The following PDE4B variants were observed in gnomAD, a reference collection of about 807,000 sequenced individuals.
PDE4B encodes phosphodiesterase 4B.
In PDE4B, 20 loss-of-function variants were observed where a neutral mutation model predicts 82.2. The ratio of observed to expected loss-of-function variants is 0.24; its 90% CI spans 0.17 to 0.35. PDE4B has a LOEUF of 0.35. Among genes scored for constraint, PDE4B ranks in the 10% least tolerant of loss-of-function variants. PDE4B has a pLI of 1.00. For missense variants in PDE4B, 655 were observed against 907.2 expected, an observed-to-expected ratio of 0.72 and a Z score of 3.57; for synonymous variants, 320 against 318.9, an observed-to-expected ratio of 1.00 and a Z score of -0.04.
At chr1:65,930,839 G>A (rs1465665105) in intron 3 of PDE4B, among the ~76,000 whole-genome samples, 1 of 152,206 alleles carries the variant, frequency 6.6e-6, no homozygotes, top group East Asian at 1.9e-4. Flanking sequence ...AATGAATTAA[G>A]ACTTTGGGAA....
At chr1:66,283,885 G>A (rs564278644) in intron 7 of PDE4B, among the ~76,000 whole-genome samples, 4 of 152,204 alleles carry the variant, frequency 2.6e-5, no homozygotes, top group East Asian at 1.9e-4. Context: ...GAGAGAGAGC[G>A]AGAGAAAGAG....
chr1:66,027,754 C>A (rs904178130), intron 3 of PDE4B, among the ~76,000 whole-genome samples: 1 of 152,140 alleles, frequency 6.6e-6, no homozygotes, highest in Non-Finnish European at 1.5e-5. Flanking sequence ...CAAAATCCAA[C>A]GGGGCAGTCA....
At chr1:65,911,589 C>T (rs1342092803) in intron 1 of PDE4B, among the ~76,000 whole-genome samples, 1 of 151,740 alleles carries the variant, frequency 6.6e-6, no homozygotes, top group Non-Finnish European at 1.5e-5. Flanking sequence ...TAAAATATCT[C>T]TTGTTGCTTG....
chr1:65,836,811 G>A (rs1646145212), intron 1 of PDE4B, among the ~76,000 whole-genome samples: 1 of 152,158 alleles, frequency 6.6e-6, no homozygotes, highest in Admixed American at 6.6e-5. Flanking sequence ...ATGGTAGAGA[G>A]GAAGGGTGTT....
chr1:65,920,578 G>A (rs1292833335), intron 3 of PDE4B, among the ~76,000 whole-genome samples: 1 of 152,066 alleles, frequency 6.6e-6, no homozygotes, highest in African/African-American at 2.4e-5. Context: ...TTTAAAGGAG[G>A]GCAATAATAT....
At chr1:65,795,333 T>A (rs748252098) in intron 1 of PDE4B, among the ~76,000 whole-genome samples, 1 of 152,258 alleles carries the variant, frequency 6.6e-6, no homozygotes, top group African/African-American at 2.4e-5. Context: ...TAATTTATTA[T>A]CATGTCATAC....
chr1:65,933,524 C>G (rs566411988), intron 3 of PDE4B, among the ~76,000 whole-genome samples: 41 of 152,230 alleles, frequency 2.7e-4, no homozygotes, highest in Non-Finnish European at 5.3e-4. Flanking sequence ...GAAACCCCAT[C>G]TCTACTAAAG....
At chr1:66,045,733 A>G (rs1654671802) in intron 3 of PDE4B, among the ~76,000 whole-genome samples, 2 of 151,820 alleles carry the variant, frequency 1.3e-5, no homozygotes, top group South Asian at 2.1e-4. Flanking sequence ...ACGAGATTCA[A>G]TCAAAGAAAA....
At chr1:66,145,695 G>T (rs188688056) in intron 3 of PDE4B, among the ~76,000 whole-genome samples, 14 of 152,274 alleles carry the variant, frequency 9.2e-5, no homozygotes, top group Non-Finnish European at 4.4e-5. Flanking sequence ...GATGGGAAGT[G>T]ATTTCCGCAA....
At chr1:66,034,967 A>G (rs1346660166) in intron 3 of PDE4B, among the ~76,000 whole-genome samples, 1 of 152,090 alleles carries the variant, frequency 6.6e-6, no homozygotes, top group African/African-American at 2.4e-5. Flanking sequence ...TTAGGTTACC[A>G]TCTTATCTCC....
chr1:66,243,440 A>G (rs1206264021), intron 3 of PDE4B, among the ~76,000 whole-genome samples: 1 of 152,214 alleles, frequency 6.6e-6, no homozygotes, highest in Non-Finnish European at 1.5e-5. Context: ...TCTGGCTTGG[A>G]GATAACAATG....
chr1:66,160,731 A>G (rs1160185559), intron 3 of PDE4B, among the ~76,000 whole-genome samples: 1 of 152,348 alleles, frequency 6.6e-6, no homozygotes, highest in African/African-American at 2.4e-5. Context: ...CCAAGTTGAA[A>G]TCTATGACCT....
At chr1:65,937,557 C>T (rs1261383779) in intron 3 of PDE4B, among the ~76,000 whole-genome samples, 2 of 152,198 alleles carry the variant, frequency 1.3e-5, no homozygotes, top group Non-Finnish European at 2.9e-5. Flanking sequence ...AAACTGATGA[C>T]ACACACATCT....
chr1:65,879,391 T>C (rs1646685421), intron 1 of PDE4B, among the ~76,000 whole-genome samples: 1 of 152,100 alleles, frequency 6.6e-6, no homozygotes, highest in Non-Finnish European at 1.5e-5. Flanking sequence ...TCCTGCTAAG[T>C]AATTGTGACT....
chr1:66,154,603 A>T (rs1336338125), intron 3 of PDE4B, among the ~76,000 whole-genome samples: 1 of 152,204 alleles, frequency 6.6e-6, no homozygotes, highest in African/African-American at 2.4e-5. Flanking sequence ...GCAATACATG[A>T]TCTGAAGTAC....
chr1:65,955,206 G>A (rs139716960), intron 3 of PDE4B, among the ~76,000 whole-genome samples: 219 of 152,100 alleles, frequency 1.4e-3, no homozygotes, highest in African/African-American at 4.3e-3. Flanking sequence ...AGCCCTGTCC[G>A]TCCATCCATC....
intron 3 of PDE4B, among the ~76,000 whole-genome samples, chr1:66,211,513 G>T (rs1650047525): frequency 6.6e-6 from 1 of 152,024 alleles, no homozygotes; most frequent in African/African-American, 2.4e-5. Context: ...TCCTATCTAA[G>T]GCAAATTAAA....
intron 3 of PDE4B, among the ~76,000 whole-genome samples, chr1:66,171,192 TCA>T (rs1646830547): frequency 6.6e-6 from 1 of 152,114 alleles, no homozygotes; most frequent in Non-Finnish European, 1.5e-5. Context: ...GTAGAAAATA[TCA>T]GAGACATTCA....
chr1:66,235,298 A>G (rs1265390104), intron 3 of PDE4B, among the ~76,000 whole-genome samples: 1 of 152,142 alleles, frequency 6.6e-6, no homozygotes. Context: ...TGTTCCATCA[A>G]TTATTGAGGC....
Sources: allele counts gnomAD v4.1 joint callset (sites outside exome capture counted in the v4.1 genomes callset), GRCh38; gene constraint gnomAD v4.1.1; transcripts MANE v1.5; gene names NCBI Gene and HGNC (gene_info 2026-07-23, HGNC 2026-07-21).